Variants in PIK3C2G observed in about 807,000 individuals in gnomAD.
PIK3C2G encodes the protein phosphatidylinositol-4-phosphate 3-kinase catalytic subunit type 2 gamma.
A neutral mutation model predicts 181.1 loss-of-function variants in PIK3C2G; 168 were observed. That is an observed-to-expected ratio of 0.93 (90% CI 0.82 to 1.05). PIK3C2G has a LOEUF of 1.05. Among genes scored for constraint, PIK3C2G ranks in the 50% least tolerant of loss-of-function variants. The pLI, the probability that PIK3C2G is intolerant of heterozygous loss-of-function variation, is 0.00. For missense variants in PIK3C2G, 1,869 were observed against 1,732.8 expected (o/e 1.08, Z -1.40); for synonymous variants, 573 against 592.2 (o/e 0.97, Z 0.47).
intron 5 of PIK3C2G, among the ~76,000 whole-genome samples, chr12:18,299,894 G>A (rs1950105722): frequency 6.6e-6 from 1 of 151,794 alleles, no homozygotes; most frequent in Non-Finnish European, 1.5e-5. Context: ...TGATCATGGT[G>A]TATTACCTTT....
chr12:18,435,979 A>C lies in PIK3C2G; in HGVS notation c.2504+11940A>C, dbSNP rs540410975. On this transcript the variant is annotated intron_variant, in intron 18 of 32. Coordinates refer to ENST00000538779, the MANE Select transcript of PIK3C2G (RefSeq NM_001288772.2). Reference sequence around the variant, plus strand: ...AGCTACAAGTAACAAAAAAAAAAAAAAACCCTGATTCAACTGGTTTACAAT... The same window carrying C: ...AGCTACAAGTAACAAAAAAAAAAAACAACCCTGATTCAACTGGTTTACAAT... Among the ~76,000 whole-genome samples the C allele has an allele frequency of 1.7e-4, 26 of 152,230 alleles. No individual in the cohort carries two copies. In the South Asian group the frequency reaches 5.4e-3, roughly 32 times the overall value.
the PIK3C2G span, chr12:18,685,580 C>T: frequency 2.0e-6 from 1 of 501,042 alleles, no homozygotes; most frequent in Non-Finnish European, 4.0e-6. Context: ...TACCACATAG[C>T]AATCTAGGGT....
intron 30 of PIK3C2G, among the ~76,000 whole-genome samples, chr12:18,606,911 G>A (rs193123760): frequency 9.6e-4 from 146 of 152,028 alleles, no homozygotes; most frequent in African/African-American, 3.3e-3. Context: ...TCATTTTAAC[G>A]ATGTTGCGAT....
chr12:18,702,074 A>G, the PIK3C2G span, among the ~76,000 whole-genome samples: 1 of 152,048 alleles, frequency 6.6e-6, no homozygotes, highest in Non-Finnish European at 1.5e-5. Flanking sequence ...TGTGAAAAGT[A>G]TATATATATA....
At chr12:18,491,744 G>A (rs1303214739) in intron 20 of PIK3C2G, among the ~76,000 whole-genome samples, 186 bp downstream of exon 20, 1 of 151,554 alleles carries the variant, frequency 6.6e-6, no homozygotes, top group Non-Finnish European at 1.5e-5. Context: ...GGATCACATT[G>A]GCCTTATCAT....
chr12:18,649,613 C>G (rs1950330177), downstream of PIK3C2G, among the ~76,000 whole-genome samples: 1 of 152,216 alleles, frequency 6.6e-6, no homozygotes, highest in African/African-American at 2.4e-5. Flanking sequence ...TCTGGTTTCT[C>G]ACCTCCAATT....
Position 18,399,689 on chromosome 12 carries a change from G to T in PIK3C2G, c.2157G>T (p.Trp719Cys), listed in dbSNP as rs766996851. ...CTGAAGAAAAGAAAAGATATTTATG[G>T]TTTTATCGCTTCTACTGCAATAATG... ...LLSEEKKRYL[W>C]FYRFYCNNEN... is the part of the protein sequence containing the mutation. The change falls in exon 16 of 33, where the codon TGG becomes TGT. Residue 719 changes from tryptophan (W) to cysteine (C), a missense_variant. By Grantham distance (215) the Trp-to-Cys change is radical. Coordinates refer to ENST00000538779, the MANE Select transcript of PIK3C2G (RefSeq NM_001288772.2). The T allele has an allele frequency of 2.5e-6, 4 of 1,587,046 alleles. No homozygotes were observed. The African/African-American group carries it at 4.0e-5, about 16-fold the overall frequency.
intron 31 of PIK3C2G, among the ~76,000 whole-genome samples, chr12:18,614,742 C>A (rs561879184): frequency 2.2e-4 from 34 of 152,182 alleles, no homozygotes; most frequent in African/African-American, 7.9e-4. Context: ...AAATTTACAT[C>A]TCTACATTCA....
At chr12:18,280,776 A>G (rs1949178951) in intron 1 of PIK3C2G, among the ~76,000 whole-genome samples, 1 of 152,098 alleles carries the variant, frequency 6.6e-6, no homozygotes, top group Non-Finnish European at 1.5e-5. Context: ...ATTGCAGAAA[A>G]TGGAAAAGGA....
intron 5 of PIK3C2G, among the ~76,000 whole-genome samples, chr12:18,297,836 G>A (rs373093282): frequency 6.6e-6 from 1 of 151,880 alleles, no homozygotes; most frequent in Non-Finnish European, 1.5e-5. Context: ...CATCCATGTT[G>A]CTGCAAATGA....
In PIK3C2G at chr12:18,599,582, G is replaced by C. The variant is rs575180277; in HGVS notation, c.4087+5013G>C. Reference sequence around the variant, plus strand: ...GTTAGTGGGTGCAGCACACCAGCATGGCACATGTATACATATGCAACTAAC... The same window carrying C: ...GTTAGTGGGTGCAGCACACCAGCATCGCACATGTATACATATGCAACTAAC... On this transcript the variant is annotated intron_variant, in intron 30 of 32. Coordinates refer to ENST00000538779, the MANE Select transcript of PIK3C2G (RefSeq NM_001288772.2). Among the ~76,000 whole-genome samples the C allele has an allele frequency of 1.5e-3, 222 of 151,532 alleles. 1 individual carries two copies. The highest frequency in any genetic ancestry group is 4.1e-3 in the African/African-American group (169 of 41,278).
chr12:18,308,568 T>C (rs931413325), intron 5 of PIK3C2G, among the ~76,000 whole-genome samples: 2 of 151,470 alleles, frequency 1.3e-5, no homozygotes, highest in African/African-American at 4.8e-5. Flanking sequence ...CTTGCTGTAT[T>C]AACACTCTTT....
intron 31 of PIK3C2G, among the ~76,000 whole-genome samples, chr12:18,628,541 G>A (rs1406754621): frequency 6.6e-6 from 1 of 152,174 alleles, no homozygotes; most frequent in Non-Finnish European, 1.5e-5. Flanking sequence ...AATTATTCAT[G>A]TACTTAAAAC....
intron 24 of PIK3C2G, among the ~76,000 whole-genome samples, chr12:18,521,088 A>C (rs978791100): frequency 6.6e-6 from 1 of 151,866 alleles, no homozygotes; most frequent in Non-Finnish European, 1.5e-5. Flanking sequence ...GTCACTCGAG[A>C]AGGCTGGAGA....
At position 18,491,500 on chromosome 12, in the gene PIK3C2G, T is replaced by G. The variant is rs757942197; in HGVS notation, c.2735T>G (p.Val912Gly). Residue 912 changes from valine to glycine, a missense_variant, in exon 20 of 33, where the codon GTA (valine) becomes GGA (glycine). Transcript: ENST00000538779. Reference protein sequence around the residue: ...IGRLEEFFQDVNTCHLPLNPA... With the variant: ...IGRLEEFFQDGNTCHLPLNPA... ...AGACTAGAAGAGTTCTTTCAAGATG[T>G]AAATACTTGTCATCTTCCTCTGAAC... The G allele has an allele frequency of 3.1e-6, 5 of 1,610,042 alleles. No homozygotes were observed. The African/African-American group carries it at 6.7e-5, about 22-fold the overall frequency.
intron 18 of PIK3C2G, among the ~76,000 whole-genome samples, chr12:18,470,302 A>C (rs1422847586): frequency 6.6e-6 from 1 of 152,118 alleles, no homozygotes; most frequent in African/African-American, 2.4e-5. Context: ...TAGCAGAAAA[A>C]GTCTTCAAGC....
At chr12:18,248,298 C>T (rs1948061197) in intron 1 of PIK3C2G, among the ~76,000 whole-genome samples, 1 of 152,066 alleles carries the variant, frequency 6.6e-6, no homozygotes, top group Non-Finnish European at 1.5e-5. Context: ...TCCGGGCGGG[C>T]GCGGTGGCTC....
At chr12:18,255,293 T>C (rs961545088) in intron 1 of PIK3C2G, among the ~76,000 whole-genome samples, 1 of 151,150 alleles carries the variant, frequency 6.6e-6, no homozygotes, top group Non-Finnish European at 1.5e-5. Flanking sequence ...AAAAAAGAAA[T>C]AGTTTGAGTC....
chr12:18,343,417 T>C (rs1231314677), intron 10 of PIK3C2G, 57 bp downstream of exon 10: 40 of 908,434 alleles, frequency 4.4e-5, no homozygotes, highest in Non-Finnish European at 6.6e-5. Context: ...AGTTACAGAA[T>C]CCAAAATACT....
Sources: allele counts gnomAD v4.1 joint callset (sites outside exome capture counted in the v4.1 genomes callset), GRCh38; gene constraint gnomAD v4.1.1; transcripts MANE v1.5; gene names NCBI Gene and HGNC (gene_info 2026-07-23, HGNC 2026-07-21).